The following TRIB2 variants were observed in gnomAD, a reference collection of about 807,000 sequenced individuals.
TRIB2 encodes the protein tribbles pseudokinase 2, also known as tribbles homolog 2.
Under a neutral mutation model 26.8 loss-of-function variants are expected in TRIB2, and 2 were observed. The observed-to-expected ratio is 0.07, with a 90% CI of 0.03 to 0.24. The LOEUF is 0.24. TRIB2 is among the 10% of genes least tolerant of loss of function. The pLI is 1.00. For missense variants in TRIB2, 306 were observed against 449.0 expected (o/e 0.68, Z 2.88); for synonymous variants, 189 against 187.3 (o/e 1.01, Z -0.08).
At chr2:12,733,990 C>T (rs955343947) in intron 2 of TRIB2, among the ~76,000 whole-genome samples, 13 of 152,180 alleles carry the variant, frequency 8.5e-5, no homozygotes, top group Admixed American at 2.0e-4. Context: ...CACCGGGATC[C>T]GGTGACACAA....
At chr2:12,724,969 C>A in intron 2 of TRIB2, 1 of 1,287,282 alleles carries the variant, frequency 7.8e-7, no homozygotes, top group Non-Finnish European at 1.0e-6. Context: ...TACCTCTTAC[C>A]ATAAGGTTAA....
At chr2:12,733,765 T>C (rs1661509376) in intron 2 of TRIB2, among the ~76,000 whole-genome samples, 2 of 152,156 alleles carry the variant, frequency 1.3e-5, no homozygotes, top group Admixed American at 1.3e-4. Flanking sequence ...TCAGGCCCTG[T>C]AGCTATTTGT....
Position 12,741,036 on chromosome 2 carries a change from A to G in TRIB2, c.*242A>G. ...CGCTGGAGCTTGTCTTCCCTAACAT[A>G]GCCTGGGAGACCACCCCTTGCCACT... On this transcript the variant is annotated 3_prime_UTR_variant, in exon 3 of 3. Transcript: ENST00000155926. 1 of 498,142 alleles carries G rather than the reference A, an allele frequency of 2.0e-6. No homozygotes were observed. The highest frequency in any genetic ancestry group is 3.6e-6 in the Non-Finnish European group (1 of 279,418). The allele number at this position is 498,142 out of a possible 1,614,324, so 30.9% of individuals were successfully genotyped here.
intron 2 of TRIB2, among the ~76,000 whole-genome samples, chr2:12,733,486 T>C (rs1661499471): frequency 6.6e-6 from 1 of 152,212 alleles, no homozygotes; most frequent in Admixed American, 6.5e-5. Context: ...TCAGTTTCTC[T>C]GTGTATGGCC....
chr2:12,734,414 G>A (rs1406194517), intron 2 of TRIB2, among the ~76,000 whole-genome samples: 1 of 152,110 alleles, frequency 6.6e-6, no homozygotes, highest in African/African-American at 2.4e-5. Context: ...AAGCATTCCA[G>A]CCCGCGGGAG....
Position 12,718,329 on chromosome 2 carries a change from C to T in TRIB2, c.22C>T (p.Pro8Ser). Residue 8 changes from proline (P) to serine (S), a missense_variant, in exon 1 of 3, where the codon CCC becomes TCC. Coordinates refer to ENST00000155926, the MANE Select transcript of TRIB2 (RefSeq NM_021643.4). This position sits in a 1 kb window ranked among gnomAD's most constrained non-coding sequence, Gnocchi z 4.0. The stretch of plus-strand genomic sequence containing the variant: ...ACTCATGAACATACACAGGTCTACC[C>T]CCATCACAATAGCGAGATATGGGAG... MNIHRST[P>S]ITIARYGRSR... 2 of 1,614,208 alleles carry T rather than the reference C, an allele frequency of 1.2e-6. No individual in the cohort carries two copies. Among genetic ancestry groups the T allele is most frequent in the Non-Finnish European group, 1.7e-6 (2 of 1,180,040 alleles).
chr2:12,727,254 G>A (rs1446385221), intron 2 of TRIB2, among the ~76,000 whole-genome samples: 1 of 152,170 alleles, frequency 6.6e-6, no homozygotes, highest in Non-Finnish European at 1.5e-5. Context: ...AGATGATTCT[G>A]TGACTCACCG....
intron 2 of TRIB2, among the ~76,000 whole-genome samples, chr2:12,728,789 C>G (rs1572481360): frequency 6.6e-6 from 1 of 152,168 alleles, no homozygotes; most frequent in Non-Finnish European, 1.5e-5. Context: ...CTGTGCCTCC[C>G]TGTGGGGTGG....
chr2:12,719,889 C>T (rs1329275959), intron 1 of TRIB2, among the ~76,000 whole-genome samples: 1 of 152,160 alleles, frequency 6.6e-6, no homozygotes, highest in East Asian at 1.9e-4. Flanking sequence ...TATTGAGACC[C>T]AGAGCAACTG....
chr2:12,721,878 A>G (rs1305939439), intron 1 of TRIB2, among the ~76,000 whole-genome samples: 1 of 152,170 alleles, frequency 6.6e-6, no homozygotes, highest in South Asian at 2.1e-4. Flanking sequence ...GTGGCTTTGG[A>G]TGGGCTTCAG....
rs756204751 is a variant in TRIB2 at position 12,723,406 on chromosome 2, C to G, written c.417C>G (p.Ser139=). 5 of 1,614,222 alleles carry G rather than the reference C, an allele frequency of 3.1e-6. No individual in the cohort carries two copies. In the East Asian group the frequency reaches 8.9e-5, roughly 29 times the overall value. Residue 139 remains serine (S), a synonymous_variant, in exon 2 of 3, where the codon TCC becomes TCG. Coordinates refer to ENST00000155926, the MANE Select transcript of TRIB2 (RefSeq NM_021643.4). ...FFERSYGDMH[S]FVRTCKKLRE... ...AGCGAAGCTATGGGGACATGCATTC[C>G]TTCGTCCGCACCTGCAAGAAGCTGA...
chr2:12,716,999 A>C lies in TRIB2; in HGVS notation c.-1309A>C, dbSNP rs1666605197. The C allele has an allele frequency of 1.2e-5, 2 of 161,842 alleles. No individual in the cohort carries two copies. The highest frequency in any genetic ancestry group is 2.6e-5 in the Non-Finnish European group (2 of 75,496). The allele number at this position is 161,842 out of a possible 1,614,324, so 10.0% of individuals were successfully genotyped here. A position where few individuals can be genotyped will look rare whatever the true frequency, so the allele number is the denominator to read the frequency against. On this transcript the variant is annotated 5_prime_UTR_variant, in exon 1 of 3. Transcript: ENST00000155926. Reference sequence around the variant, plus strand: ...CACTCACGGCCCCGCTCGCTCCGAGATCCCCGGCCACGTAAGTAACTATTA... The same window carrying C: ...CACTCACGGCCCCGCTCGCTCCGAGCTCCCCGGCCACGTAAGTAACTATTA...
chr2:12,723,973 A>G (rs1159933632), intron 2 of TRIB2, among the ~76,000 whole-genome samples: 1 of 152,170 alleles, frequency 6.6e-6, no homozygotes, highest in Non-Finnish European at 1.5e-5. Context: ...CTAAGCTTAT[A>G]TTAGGTATTA....
chr2:12,736,748 A>G (rs776055833), intron 2 of TRIB2, among the ~76,000 whole-genome samples: 2 of 152,168 alleles, frequency 1.3e-5, no homozygotes, highest in African/African-American at 2.4e-5. Flanking sequence ...AATGACATCA[A>G]CCACATGCCC....
At chr2:12,733,611 G>A (rs1281544301) in intron 2 of TRIB2, among the ~76,000 whole-genome samples, 1 of 152,130 alleles carries the variant, frequency 6.6e-6, no homozygotes, top group Non-Finnish European at 1.5e-5. Flanking sequence ...AGTAATCTCA[G>A]CATCTTATAG....
chr2:12,720,086 AT>A (rs1451555714), intron 1 of TRIB2, among the ~76,000 whole-genome samples: 2 of 152,132 alleles, frequency 1.3e-5, no homozygotes, highest in South Asian at 2.1e-4. Context: ...GCATTTTAAT[AT>A]TTTTCAAAGG....
intron 2 of TRIB2, among the ~76,000 whole-genome samples, chr2:12,724,311 C>T (rs1240078052): frequency 1.3e-5 from 2 of 152,238 alleles, no homozygotes; most frequent in African/African-American, 4.8e-5. Flanking sequence ...AGGCAACTGG[C>T]TTATGCCGTT....
At position 12,717,400 on chromosome 2, in the gene TRIB2, C is replaced by CT; in HGVS notation, c.-907dup. 2.5e-6 allele frequency: 1 copy of CT among 398,488 alleles called. No homozygotes were observed. 24.7% of individuals were successfully genotyped at this position (398,488 alleles called of 1,614,324 possible). Reference sequence around the variant, plus strand: ...ACCGCCGATCTGTCCTCGTTCTCTCCTGCACGTCTGGCTGCATTCGGAGGA... The same window carrying CT: ...ACCGCCGATCTGTCCTCGTTCTCTCCTTGCACGTCTGGCTGCATTCGGAGGA... On this transcript the variant is annotated 5_prime_UTR_variant, in exon 1 of 3. Transcript: ENST00000155926. This position sits in a 1 kb window ranked among gnomAD's most constrained non-coding sequence, Gnocchi z 4.8.
chr2:12,724,377 C>T (rs887543320), intron 2 of TRIB2, among the ~76,000 whole-genome samples: 15 of 152,248 alleles, frequency 9.9e-5, no homozygotes, highest in South Asian at 2.1e-4. Context: ...CTCTCCCAGC[C>T]GATTTTGATT....
Sources: gnomAD v4.1 joint callset for allele counts (sites outside exome capture counted in the v4.1 genomes callset) on GRCh38, gnomAD v4.1.1 for gene constraint, Gnocchi (gnomAD v3.1) non-coding constraint, MANE v1.5 for transcripts, NCBI Gene and HGNC (gene_info 2026-07-23, HGNC 2026-07-21) for gene names.